Variants in EIF3D observed in about 807,000 individuals in gnomAD.
EIF3D encodes eIF3 p66.
In EIF3D, 10 loss-of-function variants were observed where a neutral mutation model predicts 75.4. That is an observed-to-expected ratio of 0.13 (90% CI 0.08 to 0.22). The LOEUF (loss-of-function observed/expected upper bound fraction) is 0.22, where lower values mean the gene tolerates loss of function less well. Ranked by LOEUF, EIF3D falls within the 10% of genes least tolerant of loss-of-function variation. The pLI is 1.00. For missense variants in EIF3D, 394 were observed against 708.0 expected (o/e 0.56, Z 5.03); for synonymous variants, 246 against 248.3 (o/e 0.99, Z 0.09).
rs769050809 is a variant in EIF3D at position 36,516,618 on chromosome 22, A to C, written c.1077-11T>G. On this transcript the variant is annotated splice_polypyrimidine_tract_variant and intron_variant, in intron 11 of 14. Coordinates refer to ENST00000216190, the MANE Select transcript of EIF3D (RefSeq NM_003753.4). ...TTCCACCTGCGGTAACTGCAGCAAA[A>C]AAGAAACTCATGTGGTCACTGGGGA... The C allele has an allele frequency of 1.2e-5, 19 of 1,613,848 alleles. No homozygotes were observed. The African/African-American group carries it at 2.4e-4, about 20-fold the overall frequency.
chr22:36,517,162 T>C, intron 10 of EIF3D, 139 bp downstream of exon 10: 8 of 1,143,924 alleles, frequency 7.0e-6, no homozygotes, highest in South Asian at 2.9e-5. Context: ...AGCCCAGGCA[T>C]GTAACTCCCC....
intron 6 of EIF3D, among the ~76,000 whole-genome samples, chr22:36,521,262 G>C (rs1934508160): frequency 6.6e-6 from 1 of 151,978 alleles, no homozygotes; most frequent in Non-Finnish European, 1.5e-5. Flanking sequence ...TGTTTTATAA[G>C]ACAGAATCCC....
intron 3 of EIF3D, among the ~76,000 whole-genome samples, chr22:36,525,155 T>G (rs742149): frequency 0.042 from 6,442 of 151,808 alleles, 158 homozygotes; most frequent in Middle Eastern, 0.13. Context: ...AACTTAGTTC[T>G]CCAGGCAGCC....
intron 12 of EIF3D, among the ~76,000 whole-genome samples, chr22:36,514,921 G>T (rs1934399462): frequency 6.6e-6 from 1 of 152,076 alleles, no homozygotes; most frequent in Non-Finnish European, 1.5e-5. Context: ...TCCCCCTTTG[G>T]CACTATTCTT....
chr22:36,511,756 G>A lies in EIF3D; in HGVS notation c.1380C>T (p.Ser460=). The change falls in exon 14 of 15, where the codon TCC becomes TCT. Residue 460 remains serine (S), a synonymous_variant. Transcript: ENST00000216190. ...GGGTGCCTAGGATGACGTGGCGTGA[G>A]GAGTCTTTCACGTGGTACCGAGACA... ...GYVSRYHVKD[S]SRHVILGTQQ... The A allele has an allele frequency of 6.2e-7, 1 of 1,614,012 alleles. No homozygotes were observed. The highest frequency in any genetic ancestry group is 8.5e-7 in the Non-Finnish European group (1 of 1,179,968).
chr22:36,524,457 G>C, intron 4 of EIF3D, 139 bp downstream of exon 4: 2 of 1,230,520 alleles, frequency 1.6e-6, no homozygotes, highest in South Asian at 2.9e-5. Context: ...CACTTGTTAT[G>C]GAACGGTGAC....
intron 10 of EIF3D, 110 bp downstream of exon 10, chr22:36,517,191 C>T (rs562381420): frequency 3.5e-6 from 5 of 1,444,976 alleles, no homozygotes; most frequent in African/African-American, 1.4e-5. Context: ...GTGGGGACTG[C>T]GTCTGACCTG....
chr22:36,523,025 G>A, intron 6 of EIF3D, 184 bp downstream of exon 6: 1 of 569,758 alleles, frequency 1.8e-6, no homozygotes, highest in Non-Finnish European at 3.2e-6. Context: ...ACTGCTAAAG[G>A]GTAAGGGATT....
chr22:36,521,072 T>C (rs1330363740), intron 6 of EIF3D, among the ~76,000 whole-genome samples: 2 of 152,138 alleles, frequency 1.3e-5, no homozygotes, highest in Non-Finnish European at 2.9e-5. Context: ...TGGTGATGCA[T>C]GCCTGTAATC....
intron 3 of EIF3D, 36 bp downstream of exon 3, chr22:36,525,628 G>T (rs1212645146): frequency 6.2e-7 from 1 of 1,607,470 alleles, no homozygotes; most frequent in Non-Finnish European, 8.5e-7. Flanking sequence ...CTTTCCCAAG[G>T]CCCTGATTGG....
intron 12 of EIF3D, among the ~76,000 whole-genome samples, chr22:36,515,854 G>A (rs892817526): frequency 1.4e-5 from 2 of 145,364 alleles, no homozygotes; most frequent in African/African-American, 2.5e-5. Flanking sequence ...GCCCCAGAGC[G>A]GCAAACCTTC....
In EIF3D at chr22:36,518,898, G is replaced by C. The variant is rs1934468884; in HGVS notation, c.724C>G (p.Gln242Glu). 5 of 1,614,126 alleles carry C rather than the reference G, an allele frequency of 3.1e-6. No homozygotes were observed. Among genetic ancestry groups the C allele is most frequent in the Non-Finnish European group, 4.2e-6 (5 of 1,179,994 alleles). Residue 242 changes from glutamine to glutamate, a missense_variant, in exon 9 of 15, where the codon CAG becomes GAG. Transcript: ENST00000216190. ...GCATCAGTGGCAAACACATTCCCCTGAGTTTTTGCCAGCTGCAAAGAGGAT... is the reference window on the plus strand; with the variant it reads ...GCATCAGTGGCAAACACATTCCCCTCAGTTTTTGCCAGCTGCAAAGAGGAT... The part of the protein sequence containing the change: ...DPVIRKLAKT[Q>E]GNVFATDAIL...
chr22:36,526,525 A>G (rs1934604005), intron 1 of EIF3D, among the ~76,000 whole-genome samples: 1 of 152,174 alleles, frequency 6.6e-6, no homozygotes, highest in South Asian at 2.1e-4. Flanking sequence ...TTTTTCAAAT[A>G]TAGTAACCTT....
chr22:36,527,116 A>C (rs974399015), intron 1 of EIF3D, among the ~76,000 whole-genome samples: 11 of 152,358 alleles, frequency 7.2e-5, no homozygotes, highest in African/African-American at 2.6e-4. Context: ...AGCCAGGCAG[A>C]AGAACTGCCA....
At chr22:36,528,894 C>T in intron 1 of EIF3D, 182 bp downstream of exon 1, 1 of 175,428 alleles carries the variant, frequency 5.7e-6, no homozygotes, top group Non-Finnish European at 1.2e-5. Context: ...AAGGTCGTGT[C>T]CCGCGTTCAG....
At chr22:36,521,069 G>GC (rs1934504749) in intron 6 of EIF3D, among the ~76,000 whole-genome samples, 1 of 152,036 alleles carries the variant, frequency 6.6e-6, no homozygotes, top group Admixed American at 6.5e-5. Flanking sequence ...GCATGGTGAT[G>GC]CATGCCTGTA....
At chr22:36,527,914 CT>C (rs1220755518) in intron 1 of EIF3D, among the ~76,000 whole-genome samples, 2 of 152,228 alleles carry the variant, frequency 1.3e-5, no homozygotes, top group Non-Finnish European at 2.9e-5. Flanking sequence ...GAGATTGAGG[CT>C]TCCTTCAGAG....
rs78687076 is a variant in EIF3D at position 36,518,349 on chromosome 22, C to T, written c.859+414G>A. ...ACTAAAAATATAGAAAGTAGCCAGG[C>T]GTAATGGCACATGCCTGTAATCCCA... On this transcript the variant is annotated intron_variant, in intron 9 of 14. Coordinates refer to ENST00000216190, the MANE Select transcript of EIF3D (RefSeq NM_003753.4). 9.2e-3 allele frequency among the ~76,000 whole-genome samples: 1,401 copies of T among 151,626 alleles called. 15 individuals carry two copies. The highest frequency in any genetic ancestry group is 0.062 in the East Asian group (319 of 5,136).
rs754311832 is a variant in EIF3D, at chr22:36,517,255, CT to C, written c.990+45del. On this transcript the variant is annotated intron_variant, in intron 10 of 14. Coordinates refer to ENST00000216190, the MANE Select transcript of EIF3D (RefSeq NM_003753.4). ...AAAGCAGATGCTCCACAAACAGCAG[CT>C]GATTAAATAAGAATGAATCAATGCC... is the stretch of plus-strand genomic sequence containing the variant. 2.3e-5 allele frequency: 37 copies of C among 1,612,442 alleles called. 1 individual carries two copies. In the South Asian group the frequency reaches 4.0e-4, roughly 17 times the overall value.
Sources: gnomAD v4.1 joint callset for allele counts (sites outside exome capture counted in the v4.1 genomes callset) on GRCh38, gnomAD v4.1.1 for gene constraint, MANE v1.5 for transcripts, NCBI Gene and HGNC (gene_info 2026-07-23, HGNC 2026-07-21) for gene names.